The following PRKCZ variants were observed in gnomAD, a reference collection of about 807,000 sequenced individuals.
PRKCZ encodes the protein protein kinase C zeta, also known as protein kinase C zeta type.
PRKCZ carries 33 observed loss-of-function variants against 79.5 expected under a neutral mutation model. The observed-to-expected ratio is 0.41, with a 90% CI of 0.31 to 0.55. The LOEUF is 0.55. PRKCZ is among the 20% of genes least tolerant of loss of function. The probability of loss-of-function intolerance (pLI) is 0.19; values close to 1 mark genes in which losing one functional copy is unlikely to be tolerated. For synonymous variants in PRKCZ, 342 were observed against 320.9 expected, an observed-to-expected ratio of 1.07 and a Z score of -0.70; for missense variants, 578 against 813.5, an observed-to-expected ratio of 0.71 and a Z score of 3.52.
At chr1:2,151,407 T>A (rs1451288542) in intron 9 of PRKCZ, among the ~76,000 whole-genome samples, 1 of 152,264 alleles carries the variant, frequency 6.6e-6, no homozygotes, top group Non-Finnish European at 1.5e-5. Context: ...CAACCACTGA[T>A]ACGTTGCCTT....
chr1:2,181,646 T>C (rs1686635518), intron 16 of PRKCZ: 1 of 330,712 alleles, frequency 3.0e-6, no homozygotes, highest in African/African-American at 2.2e-5. Flanking sequence ...TCAGGGAAAC[T>C]GAGGCAATCT....
intron 2 of PRKCZ, 99 bp from the exon 3 acceptor site, chr1:2,056,385 C>A: frequency 9.0e-7 from 1 of 1,106,632 alleles, no homozygotes. Context: ...GGGACTTTGC[C>A]CCCCACCAGA....
intron 4 of PRKCZ, among the ~76,000 whole-genome samples, chr1:2,117,367 GTTT>G (rs56248139): frequency 1.1e-4 from 16 of 147,386 alleles, no homozygotes; most frequent in African/African-American, 3.7e-4. Context: ...TACTTTTACA[GTTT>G]TTTTTTTTTT....
In PRKCZ at chr1:2,185,122, G is replaced by A. The variant is rs1557767400; in HGVS notation, c.*113G>A. 12 of 1,052,196 alleles carry A rather than the reference G, an allele frequency of 1.1e-5. No homozygotes were observed. Among genetic ancestry groups the A allele is most frequent in the Non-Finnish European group, 1.5e-5 (11 of 709,974 alleles). The allele number at this position is 1,052,196 out of a possible 1,614,324, so 65.2% of individuals were successfully genotyped here. Reference sequence around the variant, plus strand: ...GCTCCGAGGGCGGCCAGGGACAGACGCTTGCGCCGAGACCGCAGAGGGAAG... The same window carrying A: ...GCTCCGAGGGCGGCCAGGGACAGACACTTGCGCCGAGACCGCAGAGGGAAG... On this transcript the variant is annotated 3_prime_UTR_variant, in exon 18 of 18. Coordinates refer to ENST00000378567, the MANE Select transcript of PRKCZ (RefSeq NM_002744.6).
chr1:2,083,108 C>T (rs978594244), intron 4 of PRKCZ, among the ~76,000 whole-genome samples: 21 of 152,154 alleles, frequency 1.4e-4, no homozygotes, highest in Admixed American at 9.8e-4. Flanking sequence ...GTATCGTTAG[C>T]GTTTCCCCTG....
chr1:2,149,722 A>C lies in PRKCZ; in HGVS notation c.687+798A>C, dbSNP rs1679444335. Among the ~76,000 whole-genome samples the C allele has an allele frequency of 6.6e-6, 1 of 152,220 alleles. No homozygotes were observed. The highest frequency in any genetic ancestry group is 2.4e-5 in the African/African-American group (1 of 41,530). ...ATAAATACAAAATAATTAGCTGGGC[A>C]TGGTGGCACGGGCCTGTGGTCCTAG... On this transcript the variant is annotated intron_variant, in intron 8 of 17. Transcript: ENST00000378567. This position sits in a 1 kb window ranked among gnomAD's most constrained non-coding sequence, Gnocchi z 4.1.
intron 4 of PRKCZ, among the ~76,000 whole-genome samples, chr1:2,089,823 C>G (rs1183873821): frequency 6.6e-6 from 1 of 152,132 alleles, no homozygotes; most frequent in Non-Finnish European, 1.5e-5. Context: ...CCAGCTACTC[C>G]GGAGGCTGCG....
chr1:2,140,995 A>G (rs1255469373), intron 5 of PRKCZ: 2 of 152,254 alleles, frequency 1.3e-5, no homozygotes, highest in African/African-American at 4.8e-5. Context: ...TGAGCAAGGA[A>G]CAAGTTGGCA....
At chr1:2,115,415 C>A (rs1369826908) in intron 4 of PRKCZ, among the ~76,000 whole-genome samples, 1 of 152,226 alleles carries the variant, frequency 6.6e-6, no homozygotes, top group African/African-American at 2.4e-5. Flanking sequence ...CTCGCGTGGC[C>A]GCACCAGGTC....
At position 2,150,888 on chromosome 1, in the gene PRKCZ, C is replaced by T. The variant is rs1679759328; in HGVS notation, c.786C>T (p.Ser262=). Residue 262 remains serine (S), a synonymous_variant, in exon 9 of 18, where the codon AGC becomes AGT. Coordinates refer to ENST00000378567, the MANE Select transcript of PRKCZ (RefSeq NM_002744.6). ...FDLIRVIGRG[S]YAKVLLVRLK... ...TAATCAGAGTCATCGGGCGCGGGAG[C>T]TACGCCAAGGTTCTCCTGGTGCGGT... 1 of 1,614,206 alleles carries T rather than the reference C, an allele frequency of 6.2e-7. No homozygotes were observed. Among genetic ancestry groups the T allele is most frequent in the Non-Finnish European group, 8.5e-7 (1 of 1,180,042 alleles).
chr1:2,071,548 A>T (rs1661591209), intron 4 of PRKCZ: 2 of 179,726 alleles, frequency 1.1e-5, no homozygotes, highest in African/African-American at 4.8e-5. Context: ...GCTTTGTCTC[A>T]AATTATTTGC....
At position 2,050,511 on chromosome 1, in the gene PRKCZ, G is replaced by A; in HGVS notation, c.-120G>A. Reference sequence around the variant, plus strand: ...GAGTTCCGCGGAGTTGACCGGGTCGGCGCCGTCGGTCCTGAGCGCTGCCTT... The same window carrying A: ...GAGTTCCGCGGAGTTGACCGGGTCGACGCCGTCGGTCCTGAGCGCTGCCTT... On this transcript the variant is annotated 5_prime_UTR_variant, in exon 1 of 18. Transcript: ENST00000378567. 1 of 538,672 alleles carries A rather than the reference G, an allele frequency of 1.9e-6. No homozygotes were observed. 33.4% of individuals were successfully genotyped at this position (538,672 alleles called of 1,614,324 possible).
intron 4 of PRKCZ, among the ~76,000 whole-genome samples, chr1:2,121,340 T>C (rs112239463): frequency 6.6e-6 from 1 of 152,170 alleles, no homozygotes. Context: ...ACTTCCGGAA[T>C]GCTATGGACT....
intron 4 of PRKCZ, among the ~76,000 whole-genome samples, chr1:2,119,789 C>CTTTTT (rs61129873): frequency 1.5e-5 from 2 of 136,420 alleles, no homozygotes; most frequent in African/African-American, 2.8e-5. Flanking sequence ...CTTTTCTTTT[C>CTTTTT]TTTTTTTTTT....
At chr1:2,103,106 T>C (rs1201978287) in intron 4 of PRKCZ, among the ~76,000 whole-genome samples, 2 of 152,238 alleles carry the variant, frequency 1.3e-5, no homozygotes, top group East Asian at 1.9e-4. Context: ...CCCAAGTGAT[T>C]CTCCCACTTC....
chr1:2,058,349 G>A (rs535476273), intron 3 of PRKCZ, among the ~76,000 whole-genome samples: 4 of 147,830 alleles, frequency 2.7e-5, no homozygotes, highest in African/African-American at 7.6e-5. Flanking sequence ...ACGTGGTGGT[G>A]CACCTGTAGT....
chr1:2,080,591 A>G (rs1316898816), intron 4 of PRKCZ, among the ~76,000 whole-genome samples: 3 of 152,154 alleles, frequency 2.0e-5, no homozygotes, highest in Non-Finnish European at 2.9e-5. Context: ...TTTACAGAAA[A>G]ATCAGGACAG....
intron 10 of PRKCZ, among the ~76,000 whole-genome samples, chr1:2,164,386 C>G (rs1212601390): frequency 2.0e-5 from 3 of 152,220 alleles, no homozygotes; most frequent in African/African-American, 7.2e-5. Context: ...CAGGCCTGAG[C>G]TCCGTGGGGC....
chr1:2,075,626 C>T lies in PRKCZ; in HGVS notation c.334+16035C>T, dbSNP rs1189153642. 6.6e-6 allele frequency among the ~76,000 whole-genome samples: 1 copy of T among 152,206 alleles called. No individual in the cohort carries two copies. Among genetic ancestry groups the T allele is most frequent in the Admixed American group, 6.5e-5 (1 of 15,284 alleles). The stretch of plus-strand genomic sequence containing the variant: ...GAGTTGTGTGTTCCTCTGCCCAACT[C>T]CGAGCTTGGTCCCACCTCCCAGACT... On this transcript the variant is annotated intron_variant, in intron 4 of 17. Transcript: ENST00000378567. The surrounding 1 kb of genome is among the most constrained non-coding windows in gnomAD (Gnocchi z 4.8).
Sources: gnomAD v4.1 joint callset for allele counts (sites outside exome capture counted in the v4.1 genomes callset) on GRCh38, gnomAD v4.1.1 for gene constraint, Gnocchi (gnomAD v3.1) non-coding constraint, MANE v1.5 for transcripts, NCBI Gene and HGNC (gene_info 2026-07-23, HGNC 2026-07-21) for gene names.